The following RPS13 variants were observed in gnomAD, a reference collection of about 807,000 sequenced individuals.
RPS13 encodes small ribosomal subunit protein uS15.
In RPS13, 1 loss-of-function variant was observed where a neutral mutation model predicts 24.6. The observed-to-expected ratio is 0.04, with a 90% CI of 0.01 to 0.19. The LOEUF is 0.19. Ranked by LOEUF, RPS13 falls within the 10% of genes least tolerant of loss-of-function variation. RPS13 has a pLI of 1.00. For synonymous variants in RPS13, 69 were observed against 65.3 expected (o/e 1.06, Z -0.27); for missense variants, 88 against 187.4 (o/e 0.47, Z 3.10).
chr11:17,077,418 G>A lies in RPS13; in HGVS notation c.72+11C>T, dbSNP rs1848037912. ...TCCCCGGATTCTCCCCGGTCCCAGC[G>A]CGCTACTTACAGTGGGGACGCTGCG... is the stretch of plus-strand genomic sequence containing the variant. On this transcript the variant is annotated intron_variant, in intron 2 of 5. Transcript: ENST00000525634. 1 of 1,603,798 alleles carries A rather than the reference G, an allele frequency of 6.2e-7. No homozygotes were observed. Among genetic ancestry groups the A allele is most frequent in the Non-Finnish European group, 8.5e-7 (1 of 1,173,426 alleles).
intron 5 of RPS13, 46 bp from the exon 6 acceptor site, chr11:17,074,512 A>G (rs11024148): frequency 0.55 from 769,364 of 1,394,608 alleles, 216,422 homozygotes; most frequent in East Asian, 0.82. Flanking sequence ...GATTAATACT[A>G]GTCCCTCCAC....
chr11:17,075,024 T>G, intron 5 of RPS13, 73 bp downstream of exon 5: 2 of 1,010,706 alleles, frequency 2.0e-6, no homozygotes, highest in East Asian at 4.8e-5. Context: ...AGGCTGAACA[T>G]ATTTACTACT....
chr11:17,077,279 G>A, intron 2 of RPS13, 33 bp from the exon 3 acceptor site: 1 of 1,598,740 alleles, frequency 6.3e-7, no homozygotes, highest in Non-Finnish European at 8.6e-7. Context: ...CTTAGGATGA[G>A]AACCCAGGAA....
At chr11:17,076,362 C>G (rs1481916716) in intron 3 of RPS13, 2 of 289,904 alleles carry the variant, frequency 6.9e-6, no homozygotes, top group Middle Eastern at 2.6e-3. Context: ...TGCACTCCAG[C>G]CTGGGTGACA....
Position 17,075,615 on chromosome 11 carries a change from G to C in RPS13, c.160C>G (p.Leu54Val). ...GLTPSQIGVI[L>V]RDSHGVAQVR... ...TGTGCAACACCATGTGAATCTCTCA[G>C]GATTACACCTGAAAAGGGAATCACG... The change falls in exon 4 of 6, where the codon CTG (leucine) becomes GTG (valine). Residue 54 changes from leucine to valine, a missense_variant. Coordinates refer to ENST00000525634, the MANE Select transcript of RPS13 (RefSeq NM_001017.3). The C allele has an allele frequency of 6.3e-7, 1 of 1,593,684 alleles. No individual in the cohort carries two copies. Among genetic ancestry groups the C allele is most frequent in the Non-Finnish European group, 8.5e-7 (1 of 1,174,512 alleles).
chr11:17,075,939 C>A, intron 3 of RPS13: 2 of 453,456 alleles, frequency 4.4e-6, no homozygotes. Flanking sequence ...GAACTCTGGT[C>A]AGATATTCTT....
rs1298220052 is a variant in RPS13, at chr11:17,077,223, G to A, written c.96C>T (p.Asp32=). 3.7e-6 allele frequency: 6 copies of A among 1,613,688 alleles called. No individual in the cohort carries two copies. The highest frequency in any genetic ancestry group is 2.5e-6 in the Non-Finnish European group (3 of 1,179,744). The change falls in exon 3 of 6, where the codon GAC becomes GAT. Residue 32 remains aspartate (D), a synonymous_variant. Transcript: ENST00000525634. ...CCAGTTTGTAAATCTGCTCCTTCAC[G>A]TCGTCAGATGTCAACTTCAACCACT... The part of the protein sequence containing the change: ...VPTWLKLTSD[D]VKEQIYKLAK...
chr11:17,077,574 C>T, intron 1 of RPS13, 45 bp downstream of exon 1: 1 of 961,354 alleles, frequency 1.0e-6, no homozygotes, highest in Non-Finnish European at 1.6e-6. Context: ...CCCTGTCTTC[C>T]TCCCACCCCC....
intron 2 of RPS13, 73 bp downstream of exon 2, chr11:17,077,356 C>T (rs1197638231): frequency 3.2e-6 from 5 of 1,584,864 alleles, no homozygotes; most frequent in African/African-American, 2.7e-5. Context: ...AGTTCCTCAC[C>T]CTGGCGTCGC....
At chr11:17,077,572 T>TGGGG in intron 1 of RPS13, 47 bp downstream of exon 1, 1 of 1,592,332 alleles carries the variant, frequency 6.3e-7, no homozygotes, top group Non-Finnish European at 8.6e-7. Context: ...CTCCCTGTCT[T>TGGGG]CCTCCCACCC....
chr11:17,077,507 T>C, intron 1 of RPS13, 30 bp from the exon 2 acceptor site: 3 of 1,613,556 alleles, frequency 1.9e-6, no homozygotes, highest in Non-Finnish European at 2.5e-6. Flanking sequence ...CGAGGTGAGG[T>C]GGCGGCTAGT....
In RPS13 at chr11:17,075,086, T is replaced by C. The variant is rs1848006327; in HGVS notation, c.422+11A>G. 1.3e-6 allele frequency: 2 copies of C among 1,562,868 alleles called. No homozygotes were observed. Among genetic ancestry groups the C allele is most frequent in the Non-Finnish European group, 1.7e-6 (2 of 1,143,396 alleles). On this transcript the variant is annotated intron_variant, in intron 5 of 5. Coordinates refer to ENST00000525634, the MANE Select transcript of RPS13 (RefSeq NM_001017.3). ...ATTCTTGATAACAACGACAAAAGAG[T>C]TGATACTTACTATTTCCAATTGGGA...
chr11:17,075,712 T>G, intron 3 of RPS13, 89 bp from the exon 4 acceptor site: 1 of 1,043,174 alleles, frequency 9.6e-7, no homozygotes, highest in Non-Finnish European at 1.4e-6. Flanking sequence ...GGGCATAGTT[T>G]CCTATCTGTA....
chr11:17,075,915 C>T (rs777072459), intron 3 of RPS13: 26 of 510,192 alleles, frequency 5.1e-5, no homozygotes, highest in Non-Finnish European at 8.9e-5. Flanking sequence ...GATTCCACAG[C>T]TAACATTTAC....
At position 17,076,332 on chromosome 11, in the gene RPS13, G is replaced by C. The variant is rs571507858; in HGVS notation, c.152-709C>G. The C allele has an allele frequency of 1.3e-4, 32 of 238,840 alleles. No individual in the cohort carries two copies. The East Asian group carries it at 3.5e-3, about 26-fold the overall frequency. 14.8% of individuals were successfully genotyped at this position (238,840 alleles called of 1,614,324 possible). A position where few individuals can be genotyped will look rare whatever the true frequency, so the allele number is the denominator to read the frequency against. On this transcript the variant is annotated intron_variant, in intron 3 of 5. Coordinates refer to ENST00000525634, the MANE Select transcript of RPS13 (RefSeq NM_001017.3). ...TTGAACCCAGGAGGCGGAGGTTGCA[G>C]TGAGCCGAGATCATACCACTGCACT...
Position 17,074,479 on chromosome 11 carries a change from A to G in RPS13, c.423-13T>C. On this transcript the variant is annotated splice_polypyrimidine_tract_variant and intron_variant, in intron 5 of 5. Transcript: ENST00000525634. ...TGTAGATGATTCACTGAAAAAGAAAAAAGGGGAAAGAAAGAAAATCAGGAT... is the reference window on the plus strand; with the variant it reads ...TGTAGATGATTCACTGAAAAAGAAAGAAGGGGAAAGAAAGAAAATCAGGAT... 3 of 1,608,406 alleles carry G rather than the reference A, an allele frequency of 1.9e-6. No individual in the cohort carries two copies. The highest frequency in any genetic ancestry group is 1.7e-6 in the Non-Finnish European group (2 of 1,175,132).
Position 17,075,533 on chromosome 11 carries a change from G to C in RPS13, c.242C>G (p.Ala81Gly). Reference sequence around the variant, plus strand: ...GTAGAGATCTTCAGGAAGATCAGGAGCAAGTCCCTTAGACTTAAGAATTCT... The same window carrying C: ...GTAGAGATCTTCAGGAAGATCAGGACCAAGTCCCTTAGACTTAAGAATTCT... ...ILRILKSKGL[A>G]PDLPEDLYHL... The change falls in exon 4 of 6, where the codon GCT (alanine) becomes GGT (glycine). Residue 81 changes from alanine to glycine, a missense_variant. Physicochemically the swap from Ala to Gly is moderately conservative, Grantham distance 60. Transcript: ENST00000525634. 1 of 1,606,100 alleles carries C rather than the reference G, an allele frequency of 6.2e-7. No individual in the cohort carries two copies. The highest frequency in any genetic ancestry group is 1.1e-5 in the South Asian group (1 of 89,702).
Position 17,074,474 on chromosome 11 carries a change from AG to A in RPS13, c.423-9del. On this transcript the variant is annotated splice_polypyrimidine_tract_variant and intron_variant, in intron 5 of 5. Transcript: ENST00000525634. ...GAGGCTGTAGATGATTCACTGAAAA[AG>A]AAAAAAGGGGAAAGAAAGAAAATCA... is the stretch of plus-strand genomic sequence containing the variant. 6.2e-7 allele frequency: 1 copy of A among 1,609,796 alleles called. No homozygotes were observed. The highest frequency in any genetic ancestry group is 8.5e-7 in the Non-Finnish European group (1 of 1,176,530).
chr11:17,074,708 G>T (rs1847999092), intron 5 of RPS13: 1 of 691,262 alleles, frequency 1.4e-6, no homozygotes, highest in Non-Finnish European at 2.7e-6. Context: ...ATTTCTGGTG[G>T]AAACTGCGAA....
Sources: gnomAD v4.1 joint callset for allele counts on GRCh38, gnomAD v4.1.1 for gene constraint, MANE v1.5 for transcripts, NCBI Gene and HGNC (gene_info 2026-07-23, HGNC 2026-07-21) for gene names.